The following OR1J2 variants were observed in gnomAD, a reference collection of about 807,000 sequenced individuals.
The protein encoded by OR1J2 is olfactory receptor family 1 subfamily J member 2, also known as olfactory receptor 1J2.
For missense variants in OR1J2, 304 were observed against 246.1 expected, an observed-to-expected ratio of 1.24 and a Z score of -1.57; for synonymous variants, 142 against 99.7, an observed-to-expected ratio of 1.42 and a Z score of -2.52.
At chr9:122,519,433 T>C in the OR1J2 span, 1 of 1,614,210 alleles carries the variant, frequency 6.2e-7, no homozygotes, top group Non-Finnish European at 8.5e-7. Flanking sequence ...GCAGGGTGTG[T>C]AACTCAGATG....
chr9:122,465,058 G>A, the OR1J2 span, among the ~76,000 whole-genome samples: 3 of 152,024 alleles, frequency 2.0e-5, no homozygotes, highest in Non-Finnish European at 2.9e-5. Flanking sequence ...AGGTAGGCAC[G>A]AGTTGGCCGT....
chr9:122,553,700 ACT>A, the OR1J2 span: 2 of 1,613,864 alleles, frequency 1.2e-6, no homozygotes, highest in East Asian at 4.5e-5. Flanking sequence ...TGATGCACAC[ACT>A]GTTGCTGACC....
the OR1J2 span, chr9:122,554,035 G>C: frequency 3.7e-6 from 6 of 1,613,894 alleles, no homozygotes; most frequent in Non-Finnish European, 5.1e-6. Context: ...GAGAGGGAAA[G>C]TAGGGCTGCT....
At chr9:122,502,786 A>G in the OR1J2 span, among the ~76,000 whole-genome samples, 1 of 152,048 alleles carries the variant, frequency 6.6e-6, no homozygotes, top group Non-Finnish European at 1.5e-5. Context: ...AGGAGTATCC[A>G]GGATCTGGAA....
At chr9:122,530,433 G>C in the OR1J2 span, among the ~76,000 whole-genome samples, 2 of 152,322 alleles carry the variant, frequency 1.3e-5, no homozygotes, top group African/African-American at 2.4e-5. Context: ...ACAGATACAG[G>C]GAGTCATGGG....
chr9:122,477,653 C>A, the OR1J2 span: 3 of 1,614,040 alleles, frequency 1.9e-6, no homozygotes, highest in African/African-American at 4.0e-5. Context: ...TTGTAAAAGA[C>A]GGCTAGGTGC....
the OR1J2 span, chr9:122,477,295 A>C: frequency 1.9e-6 from 3 of 1,614,192 alleles, no homozygotes; most frequent in South Asian, 3.3e-5. Flanking sequence ...GATGCACAGG[A>C]ATGGAAGCAT....
the OR1J2 span, among the ~76,000 whole-genome samples, chr9:122,542,538 A>C: frequency 0.011 from 1,656 of 152,322 alleles, 30 homozygotes; most frequent in African/African-American, 0.038. Flanking sequence ...TTTTAAAAAT[A>C]CACAGCAAGG....
At chr9:122,517,073 C>T in the OR1J2 span, among the ~76,000 whole-genome samples, 1 of 152,104 alleles carries the variant, frequency 6.6e-6, no homozygotes. Context: ...TTAATATTCA[C>T]AATATTCTCA....
chr9:122,477,759 G>T, the OR1J2 span: 1 of 1,614,092 alleles, frequency 6.2e-7, no homozygotes, highest in African/African-American at 1.3e-5. Flanking sequence ...ACATGGGGGT[G>T]TGAAGGTGAG....
At chr9:122,555,133 C>CA in the OR1J2 span, among the ~76,000 whole-genome samples, 2 of 152,064 alleles carry the variant, frequency 1.3e-5, no homozygotes, top group East Asian at 1.9e-4. Context: ...AGGGTTGGCA[C>CA]AAAAAAATGT....
At chr9:122,472,749 A>G in the OR1J2 span, among the ~76,000 whole-genome samples, 2 of 152,206 alleles carry the variant, frequency 1.3e-5, no homozygotes, top group Non-Finnish European at 1.5e-5. Context: ...GATTTTGTCT[A>G]TTTGAAAAGA....
the OR1J2 span, chr9:122,477,614 T>A: frequency 1.2e-6 from 2 of 1,614,130 alleles, no homozygotes; most frequent in Non-Finnish European, 1.7e-6. Context: ...GCAAAAAATA[T>A]GAAAAAATAT....
chr9:122,536,996 G>A, the OR1J2 span, among the ~76,000 whole-genome samples: 2 of 152,272 alleles, frequency 1.3e-5, no homozygotes, highest in Admixed American at 6.5e-5. Context: ...GTAATGTGAT[G>A]CTTCTGTAGC....
chr9:122,525,527 A>AT, the OR1J2 span, among the ~76,000 whole-genome samples: 3 of 152,076 alleles, frequency 2.0e-5, no homozygotes, highest in Admixed American at 6.6e-5. Context: ...TTCAAACATC[A>AT]TTTTTTCCAT....
the OR1J2 span, among the ~76,000 whole-genome samples, chr9:122,470,014 C>G: frequency 6.6e-6 from 1 of 152,086 alleles, no homozygotes; most frequent in African/African-American, 2.4e-5. Context: ...AATTTGCAGC[C>G]GGACAATGTC....
At chr9:122,522,917 G>A in the OR1J2 span, among the ~76,000 whole-genome samples, 3 of 152,204 alleles carry the variant, frequency 2.0e-5, no homozygotes, top group African/African-American at 7.2e-5. Flanking sequence ...CATGGCTACT[G>A]TGTGTCAGGC....
At chr9:122,574,780 A>G in the OR1J2 span, among the ~76,000 whole-genome samples, 4 of 152,080 alleles carry the variant, frequency 2.6e-5, no homozygotes, top group African/African-American at 9.7e-5. Flanking sequence ...ATGTAATGGG[A>G]AAGCTCCTAG....
chr9:122,519,421 A>G, the OR1J2 span: 1 of 1,614,190 alleles, frequency 6.2e-7, no homozygotes, highest in South Asian at 1.1e-5. Context: ...TCCATTCTTT[A>G]TGCAGGGTGT....
Sources: allele counts gnomAD v4.1 joint callset (sites outside exome capture counted in the v4.1 genomes callset), GRCh38; gene constraint gnomAD v4.1.1; transcripts MANE v1.5; gene names NCBI Gene and HGNC (gene_info 2026-07-23, HGNC 2026-07-21).